The following TMEFF2 variants were observed in gnomAD, a reference collection of about 807,000 sequenced individuals.
TMEFF2 encodes tomoregulin-2.
TMEFF2 carries 28 observed loss-of-function variants against 53.8 expected under a neutral mutation model. The observed-to-expected ratio is 0.52, with a 90% CI of 0.39 to 0.71. TMEFF2 has a LOEUF of 0.71. Among genes scored for constraint, TMEFF2 ranks in the 30% least tolerant of loss-of-function variants. The pLI, the probability that TMEFF2 is intolerant of heterozygous loss-of-function variation, is 0.00. For synonymous variants in TMEFF2, 162 were observed against 166.3 expected, an observed-to-expected ratio of 0.97 and a Z score of 0.20; for missense variants, 353 against 455.2, an observed-to-expected ratio of 0.78 and a Z score of 2.04.
chr2:192,065,682 T>C (rs1229322041), intron 4 of TMEFF2, among the ~76,000 whole-genome samples: 3 of 151,792 alleles, frequency 2.0e-5, no homozygotes, highest in East Asian at 1.9e-4. Flanking sequence ...TGATGAGTGA[T>C]AGCATTTAAT....
intron 5 of TMEFF2, chr2:192,027,935 G>A (rs556370494): frequency 6.6e-6 from 1 of 151,894 alleles, no homozygotes; most frequent in South Asian, 2.1e-4. Flanking sequence ...GAACTCGTGA[G>A]ACTCAAAGCA....
chr2:192,141,180 C>T (rs1177495953), intron 4 of TMEFF2, among the ~76,000 whole-genome samples: 1 of 152,064 alleles, frequency 6.6e-6, no homozygotes. Context: ...TGGCCAGGCG[C>T]GGTGGCTCAC....
At chr2:192,133,860 TA>T (rs1391961671) in intron 4 of TMEFF2, among the ~76,000 whole-genome samples, 1 of 152,212 alleles carries the variant, frequency 6.6e-6, no homozygotes, top group Non-Finnish European at 1.5e-5. Context: ...ATAATTCTCG[TA>T]AAAACACACG....
intron 5 of TMEFF2, among the ~76,000 whole-genome samples, chr2:192,013,866 A>T (rs1323174933): frequency 4.6e-5 from 7 of 152,238 alleles, no homozygotes; most frequent in African/African-American, 1.7e-4. Context: ...ACAATGGTTG[A>T]TGCAAAATAG....
chr2:192,116,116 T>C (rs1453101021), intron 4 of TMEFF2, among the ~76,000 whole-genome samples: 1 of 151,946 alleles, frequency 6.6e-6, no homozygotes. Flanking sequence ...GATAAAGAAA[T>C]TGTGATACAC....
chr2:192,157,536 G>A (rs564046914), intron 4 of TMEFF2, among the ~76,000 whole-genome samples: 2 of 152,002 alleles, frequency 1.3e-5, no homozygotes, highest in African/African-American at 2.4e-5. Flanking sequence ...TTGGATATAC[G>A]TTTCTGAAAT....
chr2:191,949,899 G>A lies in TMEFF2; in HGVS notation c.*412C>T. ...ATTCAAAACCTAGCCACTGAGTCCT[G>A]TACGAACTAATGTGCTGTCTCAAGA... On this transcript the variant is annotated 3_prime_UTR_variant, in exon 10 of 10. Transcript: ENST00000272771. 2 of 994,330 alleles carry A rather than the reference G, an allele frequency of 2.0e-6. No individual in the cohort carries two copies. Among genetic ancestry groups the A allele is most frequent in the East Asian group, 1.1e-4 (1 of 9,226 alleles). 61.6% of individuals were successfully genotyped at this position (994,330 alleles called of 1,614,324 possible).
At chr2:192,114,522 A>T (rs1424513896) in intron 4 of TMEFF2, among the ~76,000 whole-genome samples, 2 of 149,766 alleles carry the variant, frequency 1.3e-5, no homozygotes, top group African/African-American at 4.9e-5. Flanking sequence ...CTTTGTTTAC[A>T]GATGACATAA....
intron 5 of TMEFF2, among the ~76,000 whole-genome samples, chr2:192,013,093 G>A (rs1342011534): frequency 3.3e-5 from 5 of 152,132 alleles, no homozygotes; most frequent in African/African-American, 1.2e-4. Context: ...ATGTAAATGA[G>A]AATCAGTCCC....
chr2:192,106,954 C>A (rs1174284935), intron 4 of TMEFF2, among the ~76,000 whole-genome samples: 1 of 151,510 alleles, frequency 6.6e-6, no homozygotes, highest in East Asian at 1.9e-4. Flanking sequence ...TAGGTGGAGT[C>A]AAAGAGTTAG....
At chr2:192,025,988 A>G (rs1337657611) in intron 5 of TMEFF2, among the ~76,000 whole-genome samples, 1 of 152,192 alleles carries the variant, frequency 6.6e-6, no homozygotes, top group Non-Finnish European at 1.5e-5. Context: ...AAACATGATA[A>G]AAAGACAATG....
intron 4 of TMEFF2, among the ~76,000 whole-genome samples, chr2:192,112,443 A>T (rs754327893): frequency 6.6e-6 from 1 of 152,088 alleles, no homozygotes; most frequent in Non-Finnish European, 1.5e-5. Flanking sequence ...TCCCATTTGG[A>T]ATGGCTGTAT....
intron 4 of TMEFF2, among the ~76,000 whole-genome samples, chr2:192,130,596 C>G (rs1395816632): frequency 2.0e-5 from 3 of 152,100 alleles, no homozygotes; most frequent in Non-Finnish European, 1.5e-5. Context: ...CTCAGAAGCT[C>G]CCCCACTGAG....
chr2:192,130,784 C>G (rs1021759812), intron 4 of TMEFF2, among the ~76,000 whole-genome samples: 1 of 151,944 alleles, frequency 6.6e-6, no homozygotes, highest in Non-Finnish European at 1.5e-5. Context: ...CACACAAAGT[C>G]TGTTTGGTGG....
rs77610095 is a variant in TMEFF2 at position 192,061,828 on chromosome 2, G to T, written c.440-4053C>A. 5.7e-3 allele frequency among the ~76,000 whole-genome samples: 863 copies of T among 152,162 alleles called. 10 individuals are homozygous for T. Among genetic ancestry groups the T allele is most frequent in the African/African-American group, 0.018 (740 of 41,508 alleles). On this transcript the variant is annotated intron_variant, in intron 4 of 9. Transcript: ENST00000272771. ...TCTGCTTGTTTAAGAGTCTGGGTTT[G>T]TTTAAGAGTCTGGAACCTCTTCGTT...
chr2:192,093,721 C>G (rs1688842687), intron 4 of TMEFF2, among the ~76,000 whole-genome samples: 1 of 151,938 alleles, frequency 6.6e-6, no homozygotes, highest in African/African-American at 2.4e-5. Flanking sequence ...TTTGCCACTT[C>G]TAGATCCACT....
chr2:192,075,308 T>TATAAATATATATATATATATAAATATAA, intron 4 of TMEFF2, among the ~76,000 whole-genome samples: 1 of 67,940 alleles, frequency 1.5e-5, no homozygotes, highest in Non-Finnish European at 3.1e-5. Flanking sequence ...TATATATATA[T>TATAAATATATATATATATATAAATATAA]ATATATATAT....
chr2:191,956,149 A>C, intron 8 of TMEFF2, 106 bp downstream of exon 8: 1 of 1,250,484 alleles, frequency 8.0e-7, no homozygotes, highest in Non-Finnish European at 1.1e-6. Context: ...TTTGTTGCTG[A>C]TTACCCATTC....
chr2:192,037,157 T>A (rs1442901792), intron 5 of TMEFF2: 1 of 151,966 alleles, frequency 6.6e-6, no homozygotes, highest in Non-Finnish European at 1.5e-5. Context: ...TGGGGACCAT[T>A]ACCAAGCCTC....
Sources: gnomAD v4.1 joint callset for allele counts (sites outside exome capture counted in the v4.1 genomes callset) on GRCh38, gnomAD v4.1.1 for gene constraint, MANE v1.5 for transcripts, NCBI Gene and HGNC (gene_info 2026-07-23, HGNC 2026-07-21) for gene names.